Variants in IL17RD observed in about 807,000 individuals in gnomAD.
IL17RD encodes the protein interleukin 17 receptor D, also known as interleukin-17 receptor D.
Under a neutral mutation model 80.5 loss-of-function variants are expected in IL17RD, and 52 were observed. The ratio of observed to expected loss-of-function variants is 0.65; its 90% confidence interval spans 0.52 to 0.81. The LOEUF is 0.81. IL17RD is among the 40% of genes least tolerant of loss of function. The pLI, the probability that IL17RD is intolerant of heterozygous loss-of-function variation, is 0.00. For synonymous variants in IL17RD, 416 were observed against 391.8 expected, an observed-to-expected ratio of 1.06 and a Z score of -0.73; for missense variants, 1,024 against 955.1, an observed-to-expected ratio of 1.07 and a Z score of -0.95.
Position 57,098,380 on chromosome 3 carries a change from G to A in IL17RD, c.1323C>T (p.Gly441=), listed in dbSNP as rs745648416. ...AGAGCTCTCCTTTCCCCGAGCCTCG[G>A]CCACCTCCTTTGTGTTTGTAGTTCT... ...DKKNYKHKGG[G]RGSGKGELFL... The change falls in exon 12 of 13, where the codon GGC becomes GGT. Residue 441 remains glycine (G), a synonymous_variant. Coordinates refer to ENST00000296318, the MANE Select transcript of IL17RD (RefSeq NM_017563.5). The A allele has an allele frequency of 6.2e-7, 1 of 1,613,996 alleles. No individual in the cohort carries two copies. The highest frequency in any genetic ancestry group is 8.5e-7 in the Non-Finnish European group (1 of 1,179,902).
intron 9 of IL17RD, 66 bp from the exon 10 acceptor site, chr3:57,102,655 T>A (rs989599189): frequency 2.3e-5 from 18 of 775,558 alleles, no homozygotes; most frequent in Non-Finnish European, 3.7e-5. Context: ...GAAACAACTT[T>A]TTTTCTTTTT....
In IL17RD at chr3:57,096,236, G is replaced by A; in HGVS notation, c.*157C>T. The A allele has an allele frequency of 1.6e-6, 1 of 621,786 alleles. No individual in the cohort carries two copies. Among genetic ancestry groups the A allele is most frequent in the Non-Finnish European group, 2.9e-6 (1 of 339,074 alleles). The allele number at this position is 621,786 out of a possible 1,614,324, so 38.5% of individuals were successfully genotyped here. A position where few individuals can be genotyped will look rare whatever the true frequency, so the allele number is the denominator to read the frequency against. On this transcript the variant is annotated 3_prime_UTR_variant, in exon 13 of 13. Transcript: ENST00000296318. ...GAGTTTGTCAAGATATCCGGTAAAG[G>A]GTTGGGGCAAGGGAGAACAAGTACT...
intron 1 of IL17RD, among the ~76,000 whole-genome samples, chr3:57,136,641 CAAAAAAAAAAA>C (rs59941543): frequency 8.3e-5 from 4 of 48,100 alleles, no homozygotes; most frequent in Non-Finnish European, 1.6e-4. Flanking sequence ...AACCCCCACT[CAAAAAAAAAAA>C]AAAAAAAAAA....
At chr3:57,136,166 T>C (rs1312618358) in intron 1 of IL17RD, among the ~76,000 whole-genome samples, 1 of 152,200 alleles carries the variant, frequency 6.6e-6, no homozygotes, top group Non-Finnish European at 1.5e-5. Flanking sequence ...TACAGCCGTG[T>C]GGAAACCTAA....
chr3:57,152,964 G>C (rs528911327), intron 1 of IL17RD, among the ~76,000 whole-genome samples: 2 of 152,286 alleles, frequency 1.3e-5, no homozygotes, highest in African/African-American at 4.8e-5. Context: ...GTCTTTAATA[G>C]GAACTCATTC....
chr3:57,147,144 T>C (rs1294020121), intron 1 of IL17RD, among the ~76,000 whole-genome samples: 2 of 152,024 alleles, frequency 1.3e-5, no homozygotes. Context: ...TAAATGTCAA[T>C]ATTATTAGGA....
chr3:57,151,164 C>T (rs773198041), intron 1 of IL17RD, among the ~76,000 whole-genome samples: 10 of 152,112 alleles, frequency 6.6e-5, no homozygotes, highest in Non-Finnish European at 1.2e-4. Flanking sequence ...AAGATTGAAG[C>T]GATTTGAAAT....
At chr3:57,165,138 G>C in intron 1 of IL17RD, 23 bp downstream of exon 1, 1 of 1,504,852 alleles carries the variant, frequency 6.6e-7, no homozygotes, top group Non-Finnish European at 8.8e-7. Context: ...GCGACGGCAA[G>C]AAACCCGCCG....
intron 1 of IL17RD, among the ~76,000 whole-genome samples, chr3:57,156,354 A>AG (rs1256473996): frequency 6.6e-6 from 1 of 152,170 alleles, no homozygotes; most frequent in Non-Finnish European, 1.5e-5. Context: ...GCTTGAGGCC[A>AG]GGAATTCAAG....
At chr3:57,141,123 A>C (rs1707819868) in intron 1 of IL17RD, among the ~76,000 whole-genome samples, 1 of 152,060 alleles carries the variant, frequency 6.6e-6, no homozygotes, top group Non-Finnish European at 1.5e-5. Context: ...GCTGGGCTGA[A>C]ACTCCTGGGC....
In IL17RD at chr3:57,109,537, C is replaced by T. The variant is rs752864753; in HGVS notation, c.550G>A (p.Ala184Thr). Residue 184 changes from alanine to threonine, a missense_variant and splice_region_variant, in exon 5 of 13, where the codon GCC becomes ACC. Physicochemically the swap from Ala to Thr is moderately conservative, Grantham distance 58. Coordinates refer to ENST00000296318, the MANE Select transcript of IL17RD (RefSeq NM_017563.5). ...ACCAGGCAGGAAAGGCCATACTCAC[C>T]TCGGGTTCTAAAGAAGAAAGGGTGG... ...NYHPFFFRTRACDLLLQPDNL... is the reference protein window; with the variant it reads ...NYHPFFFRTRTCDLLLQPDNL... The T allele has an allele frequency of 1.9e-6, 3 of 1,613,414 alleles. No individual in the cohort carries two copies. In the South Asian group the frequency reaches 3.3e-5, roughly 18 times the overall value.
intron 1 of IL17RD, among the ~76,000 whole-genome samples, chr3:57,152,151 CCAGAG>C (rs1369171578): frequency 6.6e-6 from 1 of 152,156 alleles, no homozygotes; most frequent in Non-Finnish European, 1.5e-5. Context: ...TCGGCTGTGA[CCAGAG>C]CAAACGAGAC....
At chr3:57,129,062 T>C (rs1443927245) in intron 1 of IL17RD, among the ~76,000 whole-genome samples, 2 of 152,032 alleles carry the variant, frequency 1.3e-5, no homozygotes, top group African/African-American at 4.8e-5. Flanking sequence ...CGCACACCAC[T>C]CCCATCCACT....
Position 57,127,397 on chromosome 3 carries a change from T to TAC in IL17RD, c.127-7085_127-7084insGT, listed in dbSNP as rs775653084. The stretch of plus-strand genomic sequence containing the variant: ...ATATATAAATAAATAAATAAATAAA[T>TAC]ATATATATATATATATTTTTTTTTT... On this transcript the variant is annotated intron_variant, in intron 1 of 12. Coordinates refer to ENST00000296318, the MANE Select transcript of IL17RD (RefSeq NM_017563.5). Among the ~76,000 whole-genome samples, 2 of 96,664 alleles carry TAC rather than the reference T, an allele frequency of 2.1e-5. 1 individual carries two copies. Among genetic ancestry groups the TAC allele is most frequent in the Non-Finnish European group, 3.8e-5 (2 of 53,148 alleles). 63.4% of individuals were successfully genotyped at this position (96,664 alleles called of 152,430 possible). A position where few individuals can be genotyped will look rare whatever the true frequency, so the allele number is the denominator to read the frequency against.
At chr3:57,133,733 T>C (rs1707661619) in intron 1 of IL17RD, among the ~76,000 whole-genome samples, 1 of 152,110 alleles carries the variant, frequency 6.6e-6, no homozygotes, top group South Asian at 2.1e-4. Context: ...AGCAAATCCA[T>C]TGTGAGGCAG....
chr3:57,116,424 C>A (rs1457100774), intron 2 of IL17RD, among the ~76,000 whole-genome samples: 2 of 148,978 alleles, frequency 1.3e-5, no homozygotes, highest in Non-Finnish European at 3.0e-5. Context: ...GCTGGGATTA[C>A]AGGCATGCGC....
intron 1 of IL17RD, among the ~76,000 whole-genome samples, chr3:57,159,804 C>T (rs1266417865): frequency 6.6e-6 from 1 of 152,240 alleles, no homozygotes; most frequent in African/African-American, 2.4e-5. Context: ...CTCCTCACCC[C>T]ACATTCTTAC....
At chr3:57,139,066 G>C (rs1283550178) in intron 1 of IL17RD, among the ~76,000 whole-genome samples, 1 of 152,010 alleles carries the variant, frequency 6.6e-6, no homozygotes, top group African/African-American at 2.4e-5. Context: ...ATTTTGGGGG[G>C]AGGGGAGAAA....
intron 1 of IL17RD, among the ~76,000 whole-genome samples, chr3:57,130,406 T>C (rs961160588): frequency 6.6e-6 from 1 of 152,234 alleles, no homozygotes; most frequent in Non-Finnish European, 1.5e-5. Context: ...TATCCACACA[T>C]ATACCATAAC....
Sources: allele counts gnomAD v4.1 joint callset (sites outside exome capture counted in the v4.1 genomes callset), GRCh38; gene constraint gnomAD v4.1.1; transcripts MANE v1.5; gene names NCBI Gene and HGNC (gene_info 2026-07-23, HGNC 2026-07-21).